LRCH1: variants seen among roughly 807,000 people sequenced by gnomAD.
LRCH1 encodes the protein leucine-rich repeat and calponin homology domain-containing protein 1.
A neutral mutation model predicts 94.9 loss-of-function variants in LRCH1; 23 were observed. The observed-to-expected ratio is 0.24, with a 90% CI of 0.17 to 0.34. The LOEUF (loss-of-function observed/expected upper bound fraction) is 0.34. Ranked by LOEUF, LRCH1 falls within the 10% of genes least tolerant of loss-of-function variation. LRCH1 has a pLI of 1.00. For synonymous variants in LRCH1, 364 were observed against 354.9 expected, an observed-to-expected ratio of 1.03 and a Z score of -0.29; for missense variants, 790 against 945.9, an observed-to-expected ratio of 0.84 and a Z score of 2.16.
chr13:46,601,248 C>A (rs1480359568), intron 1 of LRCH1, among the ~76,000 whole-genome samples: 2 of 152,214 alleles, frequency 1.3e-5, no homozygotes, highest in African/African-American at 4.8e-5. Context: ...TGGCTCTGGT[C>A]CTCTCTTCAC....
intron 16 of LRCH1, among the ~76,000 whole-genome samples, 176 bp downstream of exon 16, chr13:46,715,840 C>T (rs1872293762): frequency 6.6e-6 from 1 of 152,128 alleles, no homozygotes; most frequent in African/African-American, 2.4e-5. Context: ...TGTTCTCTAG[C>T]AGTTTGTCAA....
chr13:46,671,573 C>T lies in LRCH1; in HGVS notation c.579+2417C>T, dbSNP rs183911830. On this transcript the variant is annotated intron_variant, in intron 3 of 19. Transcript: ENST00000389797. ...GCTGTCCACATAACTCAGAAGGTGC[C>T]ATTTTAACTGGTTCTAGGAAACAAA... 2.6e-3 allele frequency among the ~76,000 whole-genome samples: 402 copies of T among 152,266 alleles called. 1 individual carries two copies. Among genetic ancestry groups the T allele is most frequent in the South Asian group, 0.018 (89 of 4,822 alleles).
intron 2 of LRCH1, among the ~76,000 whole-genome samples, chr13:46,657,434 G>A (rs1210790144): frequency 6.9e-6 from 1 of 144,212 alleles, no homozygotes; most frequent in African/African-American, 2.5e-5. Context: ...GTGGATTTTG[G>A]GGATCATCAC....
At chr13:46,641,103 C>T (rs550066481) in intron 1 of LRCH1, among the ~76,000 whole-genome samples, 10 of 152,014 alleles carry the variant, frequency 6.6e-5, no homozygotes, top group African/African-American at 2.2e-4. Flanking sequence ...TGAATGTGTG[C>T]CCCATGGGTG....
chr13:46,692,290 G>A (rs1311206817), intron 7 of LRCH1, among the ~76,000 whole-genome samples: 1 of 152,188 alleles, frequency 6.6e-6, no homozygotes, highest in African/African-American at 2.4e-5. Flanking sequence ...TCAAGAAACA[G>A]AACTTTACCA....
chr13:46,606,451 G>C (rs1238209417), intron 1 of LRCH1, among the ~76,000 whole-genome samples: 1 of 152,130 alleles, frequency 6.6e-6, no homozygotes, highest in African/African-American at 2.4e-5. Context: ...ACTTTCAGAG[G>C]TGATATTTAT....
intron 1 of LRCH1, among the ~76,000 whole-genome samples, chr13:46,597,602 C>T (rs935420210): frequency 6.6e-6 from 1 of 152,130 alleles, no homozygotes; most frequent in South Asian, 2.1e-4. Context: ...GGTGATCCAC[C>T]AGCCTTGGCC....
chr13:46,585,567 A>C (rs796899814), intron 1 of LRCH1, among the ~76,000 whole-genome samples: 47 of 150,502 alleles, frequency 3.1e-4, no homozygotes, highest in African/African-American at 7.6e-4. Context: ...AAAAAAAAAA[A>C]AAAACAAAAA....
chr13:46,583,926 A>G (rs1416763476), intron 1 of LRCH1, among the ~76,000 whole-genome samples: 1 of 152,030 alleles, frequency 6.6e-6, no homozygotes, highest in African/African-American at 2.4e-5. Context: ...GCGCCCAGCC[A>G]AGGAATTTTG....
chr13:46,613,606 A>C (rs189774849), intron 1 of LRCH1, among the ~76,000 whole-genome samples: 1 of 152,142 alleles, frequency 6.6e-6, no homozygotes, highest in Non-Finnish European at 1.5e-5. Flanking sequence ...CTGGTTGCGC[A>C]TTAGAATCAC....
chr13:46,676,868 C>CCCG, intron 3 of LRCH1, among the ~76,000 whole-genome samples: 1 of 152,290 alleles, frequency 6.6e-6, no homozygotes, highest in South Asian at 2.1e-4. Context: ...GCCTTGACCT[C>CCCG]TCGGGCTCAA....
In LRCH1 at chr13:46,553,542, G is replaced by A. The variant is rs2050025274; in HGVS notation, c.146G>A (p.Gly49Asp). The change falls in exon 1 of 20, where the codon GGC becomes GAC. Residue 49 changes from glycine to aspartate, a missense_variant. Gly to Asp is a moderately conservative substitution (Grantham distance 94). Transcript: ENST00000389797. ...GCCCCCGGCGGGGCGGGTGGTGGCG[G>A]CGGTGGCAGCGGGGGCTTCAACCTG... ...TGAPGGAGGG[G>D]GGSGGFNLPL... The A allele has an allele frequency of 6.5e-7, 1 of 1,546,226 alleles. No homozygotes were observed. The highest frequency in any genetic ancestry group is 8.7e-7 in the Non-Finnish European group (1 of 1,144,556).
chr13:46,737,627 G>A (rs182693605), intron 19 of LRCH1, among the ~76,000 whole-genome samples: 57 of 152,228 alleles, frequency 3.7e-4, no homozygotes, highest in African/African-American at 1.3e-3. Flanking sequence ...GGCCTTAGTG[G>A]GCTTCCAAAT....
intron 1 of LRCH1, among the ~76,000 whole-genome samples, chr13:46,563,269 T>G (rs926242360): frequency 6.6e-6 from 1 of 152,160 alleles, no homozygotes; most frequent in African/African-American, 2.4e-5. Context: ...TATTTGAAAG[T>G]CCCTTACACA....
chr13:46,660,206 G>C (rs2051429596), intron 2 of LRCH1, among the ~76,000 whole-genome samples: 1 of 151,700 alleles, frequency 6.6e-6, no homozygotes, highest in Non-Finnish European at 1.5e-5. Flanking sequence ...AGTAGAGACA[G>C]GGTTTCACTG....
Position 46,585,155 on chromosome 13 carries a change from T to C in LRCH1, c.307+31452T>C, listed in dbSNP as rs142655326. On this transcript the variant is annotated intron_variant, in intron 1 of 19. Transcript: ENST00000389797. ...AGATATCTTTTTCTCTCATGTTTAG[T>C]AAGGCTTTAGAAATGAGTAGGAACA... Among the ~76,000 whole-genome samples, 27 of 152,340 alleles carry C rather than the reference T, an allele frequency of 1.8e-4. No homozygotes were observed. In the East Asian group the frequency reaches 3.7e-3, roughly 21 times the overall value.
At chr13:46,591,262 A>G (rs1008706854) in intron 1 of LRCH1, among the ~76,000 whole-genome samples, 6 of 152,212 alleles carry the variant, frequency 3.9e-5, no homozygotes, top group Non-Finnish European at 8.8e-5. Context: ...ATATGAAAGT[A>G]TTTCTTTTAG....
chr13:46,553,489 C>CCACCAT lies in LRCH1; in HGVS notation c.96_101dup (p.His32_His33dup). 6.5e-7 allele frequency: 1 copy of CCACCAT among 1,548,616 alleles called. No individual in the cohort carries two copies. The highest frequency in any genetic ancestry group is 8.7e-7 in the Non-Finnish European group (1 of 1,145,832). ...TTCATCATCCCCACCACCACCACCACCACCATCAGCACCACGGAGGAACCG... is the reference window on the plus strand; with the variant it reads ...TTCATCATCCCCACCACCACCACCACCACCATCACCATCAGCACCACGGAGGAACCG... On this transcript the variant is annotated inframe_insertion, in exon 1 of 20. Transcript: ENST00000389797.
chr13:46,706,229 T>C (rs1871753838), intron 13 of LRCH1, among the ~76,000 whole-genome samples: 1 of 152,252 alleles, frequency 6.6e-6, no homozygotes, highest in Admixed American at 6.5e-5. Context: ...ACTGGCTAAC[T>C]GTGGGGAACT....
Sources: gnomAD v4.1 joint callset for allele counts (sites outside exome capture counted in the v4.1 genomes callset) on GRCh38, gnomAD v4.1.1 for gene constraint, MANE v1.5 for transcripts, NCBI Gene and HGNC (gene_info 2026-07-23, HGNC 2026-07-21) for gene names.